Variants in ESRRG observed in about 807,000 individuals in gnomAD.
ESRRG encodes the protein estrogen related receptor gamma, also known as estrogen-related receptor gamma.
A neutral mutation model predicts 44.0 loss-of-function variants in ESRRG; 13 were observed. That is an observed-to-expected ratio of 0.30 (90% CI 0.19 to 0.47). The LOEUF is 0.47. Ranked by LOEUF, ESRRG falls within the 20% of genes least tolerant of loss-of-function variation. ESRRG has a pLI of 1.00. For synonymous variants in ESRRG, 215 were observed against 214.6 expected, an observed-to-expected ratio of 1.00 and a Z score of -0.02; for missense variants, 395 against 580.6, an observed-to-expected ratio of 0.68 and a Z score of 3.29.
chr1:216,819,214 G>T (rs2095233130), intron 2 of ESRRG, among the ~76,000 whole-genome samples: 1 of 152,162 alleles, frequency 6.6e-6, no homozygotes, highest in South Asian at 2.1e-4. Flanking sequence ...CAGTGTAAAA[G>T]TGTTTCTTTT....
At chr1:216,726,704 T>G (rs1377673708), upstream of ESRRG, among the ~76,000 whole-genome samples, 1 of 152,170 alleles carries the variant, frequency 6.6e-6, no homozygotes, top group African/African-American at 2.4e-5. Flanking sequence ...TTAGTTAATA[T>G]CAGTCTATTA....
At chr1:216,948,209 C>T (rs2066370417) in intron 1 of ESRRG, among the ~76,000 whole-genome samples, 1 of 152,098 alleles carries the variant, frequency 6.6e-6, no homozygotes, top group Admixed American at 6.6e-5. Context: ...ATTCCTCCCA[C>T]CAGCTACTAT....
intron 3 of ESRRG, among the ~76,000 whole-genome samples, chr1:216,635,704 C>G (rs2065155135): frequency 6.6e-6 from 1 of 152,128 alleles, no homozygotes; most frequent in Admixed American, 6.5e-5. Flanking sequence ...CTGTCACCTT[C>G]AGCTCTCCTG....
At chr1:216,777,857 G>C (rs2093671475) in intron 2 of ESRRG, among the ~76,000 whole-genome samples, 1 of 152,006 alleles carries the variant, frequency 6.6e-6, no homozygotes, top group Non-Finnish European at 1.5e-5. Flanking sequence ...TCTTATCATG[G>C]AATGATACAA....
intron 2 of ESRRG, among the ~76,000 whole-genome samples, chr1:216,801,674 A>G (rs936081443): frequency 1.3e-5 from 2 of 152,074 alleles, no homozygotes; most frequent in African/African-American, 4.8e-5. Context: ...TTCGATTTGC[A>G]TCTCCCTAAT....
At chr1:217,096,208 T>C (rs1386438008) in intron 1 of ESRRG, among the ~76,000 whole-genome samples, 5 of 152,138 alleles carry the variant, frequency 3.3e-5, no homozygotes, top group Non-Finnish European at 7.4e-5. Flanking sequence ...TTTTCTGGAG[T>C]TCTTGCATTT....
chr1:217,066,011 A>G (rs2089593961), intron 1 of ESRRG, among the ~76,000 whole-genome samples: 1 of 152,128 alleles, frequency 6.6e-6, no homozygotes, highest in African/African-American at 2.4e-5. Context: ...GTCCCTCCCC[A>G]GTGGCGTTGC....
chr1:217,126,518 G>A (rs2092892841), intron 1 of ESRRG, among the ~76,000 whole-genome samples: 1 of 152,098 alleles, frequency 6.6e-6, no homozygotes, highest in Non-Finnish European at 1.5e-5. Flanking sequence ...TGGAAATATT[G>A]TTGGCCAAAT....
chr1:216,661,904 C>T (rs920886037), intron 2 of ESRRG, among the ~76,000 whole-genome samples: 5 of 152,100 alleles, frequency 3.3e-5, no homozygotes, highest in African/African-American at 9.7e-5. Context: ...ATATAGATTA[C>T]GAGCTAACAT....
upstream of ESRRG, among the ~76,000 whole-genome samples, chr1:217,090,799 C>G (rs2092330939): frequency 6.6e-6 from 1 of 152,196 alleles, no homozygotes; most frequent in African/African-American, 2.4e-5. Flanking sequence ...CATTCTACAA[C>G]AGCAGGAAAA....
intron 2 of ESRRG, among the ~76,000 whole-genome samples, chr1:216,783,317 C>T (rs1187885606): frequency 2.6e-5 from 4 of 152,036 alleles, no homozygotes; most frequent in East Asian, 3.9e-4. Flanking sequence ...AACTACCACA[C>T]ATGCGAGATG....
intron 1 of ESRRG, among the ~76,000 whole-genome samples, chr1:217,017,993 G>A (rs1315853943): frequency 6.6e-6 from 1 of 152,160 alleles, no homozygotes; most frequent in Non-Finnish European, 1.5e-5. Flanking sequence ...TGCCAAATAA[G>A]TTTTGTGGCC....
chr1:216,802,170 G>A (rs1394077991), intron 2 of ESRRG, among the ~76,000 whole-genome samples: 2 of 152,106 alleles, frequency 1.3e-5, no homozygotes, highest in East Asian at 3.9e-4. Flanking sequence ...TATGTGGAAA[G>A]CCTGAGGGGT....
chr1:217,078,566 T>C (rs1254669629), intron 1 of ESRRG, among the ~76,000 whole-genome samples: 1 of 152,114 alleles, frequency 6.6e-6, no homozygotes, highest in Admixed American at 6.5e-5. Context: ...TCATCTCAGG[T>C]ATGTTAGCGC....
intron 1 of ESRRG, among the ~76,000 whole-genome samples, chr1:217,076,391 G>A (rs1281820121): frequency 6.6e-6 from 1 of 152,048 alleles, no homozygotes; most frequent in Admixed American, 6.6e-5. Context: ...AACAAACCAC[G>A]AGGTTAGCAC....
chr1:217,054,180 C>G (rs1001166373), intron 1 of ESRRG, among the ~76,000 whole-genome samples: 2 of 152,130 alleles, frequency 1.3e-5, no homozygotes, highest in African/African-American at 4.8e-5. Context: ...TTGCACTTAG[C>G]CATTTCAGTT....
intron 5 of ESRRG, among the ~76,000 whole-genome samples, chr1:216,548,366 A>G (rs867238073): frequency 1.1e-4 from 17 of 152,252 alleles, no homozygotes; most frequent in South Asian, 2.1e-4. Flanking sequence ...GGCTTGGTCT[A>G]TAACTAGAGT....
rs143958888 is a variant in ESRRG at position 216,984,061 on chromosome 1, G to A, written c.-105-44388C>T. ...AGATAATAAGAATGGGGGGGGGTAT[G>A]TGGAGGCTCAAGCACTATAAATAAC... On this transcript the variant is annotated intron_variant, in intron 1 of 7. Coordinates refer to the ESRRG transcript ENST00000359162. Among the ~76,000 whole-genome samples the A allele has an allele frequency of 1.2e-3, 185 of 151,820 alleles. 2 individuals are homozygous for A. Among genetic ancestry groups the A allele is most frequent in the African/African-American group, 4.4e-3 (181 of 41,418 alleles).
intron 2 of ESRRG, among the ~76,000 whole-genome samples, chr1:216,787,853 G>A (rs937741374): frequency 1.3e-5 from 2 of 152,038 alleles, no homozygotes; most frequent in South Asian, 2.1e-4. Context: ...TAATAAGAAC[G>A]TGAAGCAGCC....
Sources: gnomAD v4.1 joint callset for allele counts (sites outside exome capture counted in the v4.1 genomes callset) on GRCh38, gnomAD v4.1.1 for gene constraint, MANE v1.5 for transcripts, NCBI Gene and HGNC (gene_info 2026-07-23, HGNC 2026-07-21) for gene names.